The following SCYL3 variants were observed in gnomAD, a reference collection of about 807,000 sequenced individuals.
The protein encoded by SCYL3 is protein-associating with the carboxyl-terminal domain of ezrin.
Under a neutral mutation model 73.8 loss-of-function variants are expected in SCYL3, and 35 were observed. The ratio of observed to expected loss-of-function variants is 0.47; its 90% CI spans 0.36 to 0.63. The LOEUF (loss-of-function observed/expected upper bound fraction) is 0.63, where lower values mean the gene tolerates loss of function less well. Ranked by LOEUF, SCYL3 falls within the 20% of genes least tolerant of loss-of-function variation. The probability of loss-of-function intolerance (pLI) is 0.00; values close to 1 mark genes in which losing one functional copy is unlikely to be tolerated. For synonymous variants in SCYL3, 277 were observed against 295.2 expected (o/e 0.94, Z 0.63); for missense variants, 712 against 798.9 (o/e 0.89, Z 1.31).
intron 7 of SCYL3, 103 bp from the exon 8 acceptor site, chr1:169,867,076 C>A: frequency 1.5e-6 from 1 of 651,818 alleles, no homozygotes; most frequent in Non-Finnish European, 2.7e-6. Context: ...AACCAAGAAA[C>A]ATTCTCCTTT....
rs780117080 is a variant in SCYL3 at position 169,870,244 on chromosome 1, C to T, written c.625+11G>A. ...TTATTCTATAGATGCAGTAGTATAA[C>T]TCCAACTCACCCTGTTCATTTAAGA... On this transcript the variant is annotated intron_variant, in intron 6 of 12. Coordinates refer to ENST00000367771, the MANE Select transcript of SCYL3 (RefSeq NM_020423.7). 1 of 1,588,398 alleles carries T rather than the reference C, an allele frequency of 6.3e-7. No individual in the cohort carries two copies. Among genetic ancestry groups the T allele is most frequent in the South Asian group, 1.1e-5 (1 of 90,270 alleles).
chr1:169,862,203 T>G (rs187688961), intron 10 of SCYL3, among the ~76,000 whole-genome samples: 1 of 152,348 alleles, frequency 6.6e-6, no homozygotes, highest in Non-Finnish European at 1.5e-5. Context: ...AACAAAACCC[T>G]TTGGTGGGCA....
chr1:169,856,707 C>T (rs1478364293), intron 11 of SCYL3, among the ~76,000 whole-genome samples: 3 of 152,168 alleles, frequency 2.0e-5, no homozygotes, highest in African/African-American at 7.2e-5. Context: ...GAACCATGTT[C>T]TCCACCTCTC....
intron 5 of SCYL3, 63 bp from the exon 6 acceptor site, chr1:169,870,420 C>G: frequency 9.6e-7 from 1 of 1,042,628 alleles, no homozygotes; most frequent in East Asian, 2.4e-5. Context: ...CTAATTTTCT[C>G]TGAAGCACCT....
intron 5 of SCYL3, 88 bp downstream of exon 5, chr1:169,873,608 G>A: frequency 1.2e-6 from 1 of 803,004 alleles, no homozygotes; most frequent in Non-Finnish European, 2.1e-6. Flanking sequence ...ACTCAGTAAA[G>A]AAAGGAGTAA....
At chr1:169,872,872 C>T (rs757053226) in intron 5 of SCYL3, among the ~76,000 whole-genome samples, 12 of 152,164 alleles carry the variant, frequency 7.9e-5, no homozygotes, top group Non-Finnish European at 1.8e-4. Context: ...AATGCCTGTA[C>T]CCCCATTGTA....
chr1:169,854,126 A>G (rs1658859872), intron 12 of SCYL3, 144 bp downstream of exon 12: 3 of 652,276 alleles, frequency 4.6e-6, no homozygotes, highest in East Asian at 2.8e-5. Context: ...ATAGATACCA[A>G]TGATAGAAAC....
chr1:169,883,239 C>T (rs1033470446), intron 2 of SCYL3, among the ~76,000 whole-genome samples: 2 of 152,162 alleles, frequency 1.3e-5, no homozygotes, highest in Non-Finnish European at 2.9e-5. Flanking sequence ...CCACCAATTC[C>T]GGACACAATA....
rs775728268 is a variant in SCYL3 at position 169,868,936 on chromosome 1, G to T, written c.729C>A (p.Asp243Glu). ...ACACCAGATGCCCTCACCTGAAGAA[G>T]TCATGAGATAGTAAGGTGCAGAGCG... ...RPALCTLLSH[D>E]FFRNDFLEVV... is the part of the protein sequence containing the mutation. The change falls in exon 7 of 13, where the codon GAC (aspartate) becomes GAA (glutamate). Residue 243 changes from aspartate (D) to glutamate (E), a missense_variant. By Grantham distance (45) the Asp-to-Glu change is conservative. Around this residue, in one of 2 missense-constraint regions of SCYL3, gnomAD observed 342 missense variants for 448.1 expected, o/e 0.76. Transcript: ENST00000367771. 1 of 1,612,984 alleles carries T rather than the reference G, an allele frequency of 6.2e-7. No individual in the cohort carries two copies.
chr1:169,868,801 T>C, intron 7 of SCYL3, 127 bp downstream of exon 7: 1 of 622,708 alleles, frequency 1.6e-6, no homozygotes, highest in Non-Finnish European at 2.9e-6. Context: ...CAATCTCTCC[T>C]AATAATTAAC....
intron 5 of SCYL3, among the ~76,000 whole-genome samples, chr1:169,871,750 G>A (rs1195582280): frequency 6.6e-6 from 1 of 152,204 alleles, no homozygotes; most frequent in Admixed American, 6.5e-5. Flanking sequence ...AGATGGAGAT[G>A]AGGAACTTGT....
intron 2 of SCYL3, among the ~76,000 whole-genome samples, chr1:169,887,078 C>A (rs559414255): frequency 1.3e-5 from 2 of 152,070 alleles, no homozygotes; most frequent in South Asian, 4.1e-4. Flanking sequence ...AGTGCTATGA[C>A]CTAGTTTTTT....
At chr1:169,891,439 T>C (rs1430526522) in intron 1 of SCYL3, among the ~76,000 whole-genome samples, 1 of 152,182 alleles carries the variant, frequency 6.6e-6, no homozygotes, top group African/African-American at 2.4e-5. Flanking sequence ...CTATGTTCTT[T>C]GAAACTAATT....
At chr1:169,880,125 A>T (rs1661144525) in intron 2 of SCYL3, among the ~76,000 whole-genome samples, 1 of 152,016 alleles carries the variant, frequency 6.6e-6, no homozygotes, top group Non-Finnish European at 1.5e-5. Flanking sequence ...TAAGAAAGAA[A>T]AAAAAGAGAC....
At position 169,853,059 on chromosome 1, in the gene SCYL3, C is replaced by T; in HGVS notation, c.*654G>A. ...ATACTTATGTCTGTACATTTTCTAA[C>T]AGATATAAAACAAATTTTGTAAAGT... On this transcript the variant is annotated 3_prime_UTR_variant, in exon 13 of 13. Transcript: ENST00000367771. 6.8e-7 allele frequency: 1 copy of T among 1,476,258 alleles called. No homozygotes were observed. The highest frequency in any genetic ancestry group is 1.2e-5 in the South Asian group (1 of 84,108). 91.4% of individuals were successfully genotyped at this position (1,476,258 alleles called of 1,614,324 possible). A position where few individuals can be genotyped will look rare whatever the true frequency, so the allele number is the denominator to read the frequency against.
chr1:169,874,210 A>G (rs1660630144), intron 4 of SCYL3, among the ~76,000 whole-genome samples: 1 of 152,190 alleles, frequency 6.6e-6, no homozygotes, highest in Admixed American at 6.5e-5. Flanking sequence ...TGGAGACAAA[A>G]CCAACATCCA....
rs1306021386 is a variant in SCYL3 at position 169,849,703 on chromosome 1, T to C, written c.*4010A>G. 2 of 900,004 alleles carry C rather than the reference T, an allele frequency of 2.2e-6. No homozygotes were observed. Among genetic ancestry groups the C allele is most frequent in the Non-Finnish European group, 3.5e-6 (2 of 574,566 alleles). 55.8% of individuals were successfully genotyped at this position (900,004 alleles called of 1,614,324 possible). On this transcript the variant is annotated 3_prime_UTR_variant, in exon 13 of 13. Transcript: ENST00000367771. Reference sequence around the variant, plus strand: ...AAACATTTATTGAACTGCTTCTGTATTGCAATCGGAAAATTGTCTGAAGGG... The same window carrying C: ...AAACATTTATTGAACTGCTTCTGTACTGCAATCGGAAAATTGTCTGAAGGG...
chr1:169,874,666 C>G (rs1462776689), intron 4 of SCYL3, among the ~76,000 whole-genome samples: 1 of 152,138 alleles, frequency 6.6e-6, no homozygotes, highest in African/African-American at 2.4e-5. Flanking sequence ...TGGCTCATAT[C>G]TGTAATCCCA....
intron 11 of SCYL3, among the ~76,000 whole-genome samples, chr1:169,856,666 A>G (rs904520253): frequency 6.6e-6 from 1 of 152,066 alleles, no homozygotes; most frequent in Non-Finnish European, 1.5e-5. Context: ...TTGAAGTCCT[A>G]TCTAATGCCT....
Sources: gnomAD v4.1 joint callset for allele counts (sites outside exome capture counted in the v4.1 genomes callset) on GRCh38, gnomAD v4.1.1 for gene constraint, gnomAD v4.1.1 regional missense constraint, MANE v1.5 for transcripts, NCBI Gene and HGNC (gene_info 2026-07-23, HGNC 2026-07-21) for gene names.